The following GRM3 variants were observed in gnomAD, a reference collection of about 807,000 sequenced individuals.
GRM3 encodes the protein glutamate metabotropic receptor 3.
In GRM3, 26 loss-of-function variants were observed where a neutral mutation model predicts 70.5. The observed-to-expected ratio is 0.37, with a 90% CI of 0.27 to 0.51. The LOEUF (loss-of-function observed/expected upper bound fraction) is 0.51, where lower values mean the gene tolerates loss of function less well. Ranked by LOEUF, GRM3 falls within the 20% of genes least tolerant of loss-of-function variation. The pLI is 0.93. For synonymous variants in GRM3, 443 were observed against 434.9 expected, an observed-to-expected ratio of 1.02 and a Z score of -0.23; for missense variants, 859 against 1,123.8, an observed-to-expected ratio of 0.76 and a Z score of 3.37.
intron 2 of GRM3, among the ~76,000 whole-genome samples, chr7:86,772,045 C>T (rs1418185255): frequency 6.6e-6 from 1 of 152,068 alleles, no homozygotes; most frequent in Non-Finnish European, 1.5e-5. Flanking sequence ...ACATGCCCCT[C>T]CATTACTAAG....
chr7:86,704,018 T>G (rs192888142), intron 1 of GRM3, among the ~76,000 whole-genome samples: 83 of 152,108 alleles, frequency 5.5e-4, no homozygotes, highest in Middle Eastern at 3.4e-3. Context: ...TATCTCTTTC[T>G]GTTGGTCTTA....
At chr7:86,750,006 G>A (rs1471699451) in intron 1 of GRM3, among the ~76,000 whole-genome samples, 2 of 151,964 alleles carry the variant, frequency 1.3e-5, no homozygotes, top group Non-Finnish European at 2.9e-5. Flanking sequence ...CTTGGAAAGA[G>A]TAAATGAGCA....
chr7:86,713,125 C>T (rs1795236201), intron 1 of GRM3, among the ~76,000 whole-genome samples: 1 of 151,950 alleles, frequency 6.6e-6, no homozygotes, highest in South Asian at 2.1e-4. Context: ...TTTATATAGC[C>T]TCATCAGCAT....
At chr7:86,741,046 C>T (rs955724093) in intron 1 of GRM3, among the ~76,000 whole-genome samples, 6 of 152,186 alleles carry the variant, frequency 3.9e-5, no homozygotes, top group Non-Finnish European at 5.9e-5. Flanking sequence ...CTCTCTCCCA[C>T]CACGTTTTCC....
At chr7:86,805,700 G>C (rs184019979) in intron 3 of GRM3, among the ~76,000 whole-genome samples, 219 of 152,104 alleles carry the variant, frequency 1.4e-3, no homozygotes, top group Middle Eastern at 0.01. Flanking sequence ...GCCTTTTCAA[G>C]TTTGCTTCTT....
chr7:86,665,407 A>G (rs1326361359), intron 1 of GRM3, among the ~76,000 whole-genome samples: 1 of 152,106 alleles, frequency 6.6e-6, no homozygotes, highest in African/African-American at 2.4e-5. Flanking sequence ...GGCACTTGAT[A>G]GGTGCTTATT....
At chr7:86,672,877 T>C (rs1794208113) in intron 1 of GRM3, among the ~76,000 whole-genome samples, 1 of 152,202 alleles carries the variant, frequency 6.6e-6, no homozygotes, top group Non-Finnish European at 1.5e-5. Context: ...TATGAGTGTG[T>C]GGAAAGTGGT....
intron 1 of GRM3, among the ~76,000 whole-genome samples, chr7:86,702,656 C>A (rs1794969843): frequency 6.6e-6 from 1 of 151,910 alleles, no homozygotes; most frequent in African/African-American, 2.4e-5. Flanking sequence ...CTTTACACTG[C>A]AAATGAAAGA....
Position 86,765,060 on chromosome 7 carries a change from A to G in GRM3, c.-86A>G. The G allele has an allele frequency of 6.7e-7, 1 of 1,500,676 alleles. No individual in the cohort carries two copies. The highest frequency in any genetic ancestry group is 8.8e-7 in the Non-Finnish European group (1 of 1,132,774). 93.0% of individuals were successfully genotyped at this position (1,500,676 alleles called of 1,614,324 possible). On this transcript the variant is annotated 5_prime_UTR_variant, in exon 2 of 6. Transcript: ENST00000361669. Reference sequence around the variant, plus strand: ...TCCTCCCTTATTTGAAGGACAGGCCAAAGATCCAGTTTGGAAATGAGAGAG... The same window carrying G: ...TCCTCCCTTATTTGAAGGACAGGCCGAAGATCCAGTTTGGAAATGAGAGAG...
At position 86,765,630 on chromosome 7, in the gene GRM3, C is replaced by T. The variant is rs988686737; in HGVS notation, c.468+17C>T. Reference sequence around the variant, plus strand: ...TCCATACAGGTAAGATTGGCTAATGCTATTGCTAAAAGGCTGTATCTCTTT... The same window carrying T: ...TCCATACAGGTAAGATTGGCTAATGTTATTGCTAAAAGGCTGTATCTCTTT... On this transcript the variant is annotated intron_variant, in intron 2 of 5. Coordinates refer to ENST00000361669, the MANE Select transcript of GRM3 (RefSeq NM_000840.3). The T allele has an allele frequency of 1.7e-5, 28 of 1,600,190 alleles. No individual in the cohort carries two copies. Among genetic ancestry groups the T allele is most frequent in the Non-Finnish European group, 2.3e-5 (27 of 1,169,644 alleles).
chr7:86,650,781 G>T (rs1793583967), intron 1 of GRM3, among the ~76,000 whole-genome samples: 1 of 152,212 alleles, frequency 6.6e-6, no homozygotes, highest in African/African-American at 2.4e-5. Context: ...AGCCAGGATA[G>T]AGGTGAGTAG....
intron 1 of GRM3, among the ~76,000 whole-genome samples, chr7:86,729,088 C>G (rs772797825): frequency 2.7e-4 from 41 of 152,180 alleles, no homozygotes; most frequent in Non-Finnish European, 4.6e-4. Context: ...CAAATTACTT[C>G]TGATTAGCTT....
chr7:86,807,980 T>C (rs1221156209), intron 3 of GRM3, among the ~76,000 whole-genome samples: 1 of 152,180 alleles, frequency 6.6e-6, no homozygotes, highest in African/African-American at 2.4e-5. Flanking sequence ...GTTGAAGGCC[T>C]TTTCTGAATC....
chr7:86,710,189 T>C (rs1795160731), intron 1 of GRM3: 1 of 152,082 alleles, frequency 6.6e-6, no homozygotes, highest in African/African-American at 2.4e-5. Flanking sequence ...ATAATGCAAA[T>C]ATGACCAATT....
At chr7:86,724,651 T>G (rs1400853818) in intron 1 of GRM3, among the ~76,000 whole-genome samples, 1 of 152,136 alleles carries the variant, frequency 6.6e-6, no homozygotes, top group Non-Finnish European at 1.5e-5. Flanking sequence ...TTGTTTAAAC[T>G]ATAGATTCTG....
chr7:86,800,725 T>C (rs1220438271), intron 3 of GRM3, among the ~76,000 whole-genome samples: 4 of 152,212 alleles, frequency 2.6e-5, no homozygotes, highest in African/African-American at 7.2e-5. Flanking sequence ...GAGGAGCTGG[T>C]ATTATTTTTT....
intron 1 of GRM3, among the ~76,000 whole-genome samples, chr7:86,729,931 C>A (rs896607085): frequency 3.3e-5 from 5 of 151,586 alleles, no homozygotes; most frequent in Non-Finnish European, 5.9e-5. Flanking sequence ...CATGGTGAAA[C>A]CCTGTCTCTA....
chr7:86,813,138 G>T (rs1562872347), intron 3 of GRM3, among the ~76,000 whole-genome samples: 1 of 151,590 alleles, frequency 6.6e-6, no homozygotes, highest in Non-Finnish European at 1.5e-5. Flanking sequence ...AAATTGTATT[G>T]TGTTTCAAGT....
chr7:86,827,243 T>G (rs1002977364), intron 3 of GRM3, among the ~76,000 whole-genome samples: 1 of 152,230 alleles, frequency 6.6e-6, no homozygotes, highest in South Asian at 2.1e-4. Context: ...TAGAATTATA[T>G]ATTTGTAATC....
Sources: allele counts gnomAD v4.1 joint callset (sites outside exome capture counted in the v4.1 genomes callset), GRCh38; gene constraint gnomAD v4.1.1; transcripts MANE v1.5; gene names NCBI Gene and HGNC (gene_info 2026-07-23, HGNC 2026-07-21).